RABGAP1L: variants seen among roughly 807,000 people sequenced by gnomAD.
RABGAP1L encodes the protein RAB GTPase activating protein 1 like.
In RABGAP1L, 63 loss-of-function variants were observed where a neutral mutation model predicts 137.7. That is an observed-to-expected ratio of 0.46 (90% CI 0.37 to 0.56). RABGAP1L has a LOEUF of 0.56. Ranked by LOEUF, RABGAP1L falls within the 20% of genes least tolerant of loss-of-function variation. The pLI is 0.00. For missense variants in RABGAP1L, 1,095 were observed against 1,244.0 expected (o/e 0.88, Z 1.80); for synonymous variants, 431 against 433.7 (o/e 0.99, Z 0.08).
At chr1:174,930,348 A>T (rs1009305874) in intron 19 of RABGAP1L, among the ~76,000 whole-genome samples, 3 of 148,478 alleles carry the variant, frequency 2.0e-5, no homozygotes, top group Non-Finnish European at 4.5e-5. Context: ...TTTTTTTGAG[A>T]CAGGATCTTG....
chr1:174,875,045 A>T (rs1387887114), intron 19 of RABGAP1L, among the ~76,000 whole-genome samples: 1 of 152,210 alleles, frequency 6.6e-6, no homozygotes, highest in East Asian at 1.9e-4. Context: ...ATGACATGTT[A>T]TTAATAATTC....
Position 174,428,583 on chromosome 1 carries a change from C to G in RABGAP1L, c.1710+34438C>G, listed in dbSNP as rs146983791. Among the ~76,000 whole-genome samples the G allele has an allele frequency of 7.9e-5, 12 of 152,276 alleles. No individual in the cohort carries two copies. The East Asian group carries it at 1.5e-3, about 20-fold the overall frequency. ...TGTTCTTTAGCTTTGCCTTCACTTT[C>G]ACTTGCATTGCCAGAGTACTTAATC... is the stretch of plus-strand genomic sequence containing the variant. On this transcript the variant is annotated intron_variant, in intron 13 of 25. Coordinates refer to ENST00000681986, the MANE Select transcript of RABGAP1L (RefSeq NM_001366446.1).
chr1:174,955,145 A>T (rs1046879621), intron 19 of RABGAP1L, among the ~76,000 whole-genome samples: 2 of 152,098 alleles, frequency 1.3e-5, no homozygotes, highest in Non-Finnish European at 2.9e-5. Flanking sequence ...GTCTCTGGAG[A>T]TGGAGTAATA....
chr1:174,843,833 C>T (rs1573463306), intron 19 of RABGAP1L, among the ~76,000 whole-genome samples: 1 of 131,860 alleles, frequency 7.6e-6, no homozygotes, highest in Admixed American at 8.1e-5. Context: ...AACTGGTTTA[C>T]AGTCCCACCA....
chr1:174,344,891 A>T (rs775090476), intron 11 of RABGAP1L, among the ~76,000 whole-genome samples: 1 of 152,084 alleles, frequency 6.6e-6, no homozygotes, highest in Non-Finnish European at 1.5e-5. Context: ...GAGTTTCCCC[A>T]ATGTTTTCTT....
At chr1:174,630,255 G>C (rs1209864561) in intron 13 of RABGAP1L, among the ~76,000 whole-genome samples, 400 of 108,602 alleles carry the variant, frequency 3.7e-3, no homozygotes, top group Middle Eastern at 8.4e-3. Context: ...CTTGATCATG[G>C]TGGATAAGCT....
At chr1:174,977,883 A>G (rs1465683855) in intron 22 of RABGAP1L, among the ~76,000 whole-genome samples, 2 of 152,228 alleles carry the variant, frequency 1.3e-5, no homozygotes, top group Non-Finnish European at 2.9e-5. Context: ...TCTAACAGAT[A>G]TGAAGAAATT....
intron 15 of RABGAP1L, among the ~76,000 whole-genome samples, chr1:174,697,241 T>C (rs1016830716): frequency 2.0e-5 from 3 of 152,166 alleles, no homozygotes; most frequent in African/African-American, 7.2e-5. Context: ...TTATAAGACA[T>C]CAGATGGTAA....
chr1:174,763,215 C>T (rs1374291861), intron 18 of RABGAP1L, among the ~76,000 whole-genome samples: 1 of 152,042 alleles, frequency 6.6e-6, no homozygotes, highest in Non-Finnish European at 1.5e-5. Flanking sequence ...CATAAAATTC[C>T]CTTTAAAAAT....
chr1:174,643,091 C>G (rs972547007), intron 14 of RABGAP1L, among the ~76,000 whole-genome samples: 5 of 152,050 alleles, frequency 3.3e-5, no homozygotes, highest in Admixed American at 3.3e-4. Context: ...AGCTGCTCAG[C>G]CCCATATTCT....
At chr1:174,477,657 A>G (rs1658642390) in intron 13 of RABGAP1L, among the ~76,000 whole-genome samples, 1 of 152,178 alleles carries the variant, frequency 6.6e-6, no homozygotes, top group South Asian at 2.1e-4. Flanking sequence ...TAACTATTTT[A>G]TGTTTAAAAC....
At chr1:174,846,156 G>C (rs1160831108) in intron 19 of RABGAP1L, among the ~76,000 whole-genome samples, 1 of 150,766 alleles carries the variant, frequency 6.6e-6, no homozygotes, top group Non-Finnish European at 1.5e-5. Flanking sequence ...TATCAATTTT[G>C]TTGATCCTTT....
intron 11 of RABGAP1L, among the ~76,000 whole-genome samples, chr1:174,315,777 A>G (rs1213026087): frequency 6.6e-6 from 1 of 151,920 alleles, no homozygotes; most frequent in Non-Finnish European, 1.5e-5. Context: ...CTTGTACTTG[A>G]ATATTGGTAT....
At chr1:174,306,628 G>A (rs899743867) in intron 11 of RABGAP1L, among the ~76,000 whole-genome samples, 11 of 151,920 alleles carry the variant, frequency 7.2e-5, no homozygotes, top group African/African-American at 1.2e-4. Flanking sequence ...TGATTGTTAC[G>A]TCATGTCCTG....
At chr1:174,297,172 A>C (rs1677203401) in intron 10 of RABGAP1L, among the ~76,000 whole-genome samples, 1 of 152,164 alleles carries the variant, frequency 6.6e-6, no homozygotes, top group African/African-American at 2.4e-5. Flanking sequence ...CCTATAACAA[A>C]AGACAGAATA....
At chr1:174,502,971 G>A (rs1213568993) in intron 13 of RABGAP1L, among the ~76,000 whole-genome samples, 1 of 152,130 alleles carries the variant, frequency 6.6e-6, no homozygotes, top group African/African-American at 2.4e-5. Context: ...GGTAATAGAT[G>A]TAGTAGAAGA....
chr1:174,275,488 T>C (rs1047459546), intron 8 of RABGAP1L, among the ~76,000 whole-genome samples: 1 of 152,184 alleles, frequency 6.6e-6, no homozygotes, highest in African/African-American at 2.4e-5. Context: ...AGAAACCATA[T>C]ACATTCTTAT....
chr1:174,600,832 C>T (rs1670349355), intron 13 of RABGAP1L, among the ~76,000 whole-genome samples: 3 of 152,194 alleles, frequency 2.0e-5, no homozygotes, highest in Non-Finnish European at 4.4e-5. Flanking sequence ...ATTCTGGGGT[C>T]TGGAGTATGG....
At chr1:174,605,580 AT>A (rs1670729057) in intron 13 of RABGAP1L, among the ~76,000 whole-genome samples, 2 of 152,110 alleles carry the variant, frequency 1.3e-5, no homozygotes, top group South Asian at 4.1e-4. Flanking sequence ...TCAAAATTTA[AT>A]TGAAATCTCT....
Sources: allele counts gnomAD v4.1 joint callset (sites outside exome capture counted in the v4.1 genomes callset), GRCh38; gene constraint gnomAD v4.1.1; transcripts MANE v1.5; gene names NCBI Gene and HGNC (gene_info 2026-07-23, HGNC 2026-07-21).